The following ROBO2 variants were observed in gnomAD, a reference collection of about 807,000 sequenced individuals.
ROBO2 encodes the protein roundabout guidance receptor 2.
In ROBO2, 53 loss-of-function variants were observed where a neutral mutation model predicts 160.8. The observed-to-expected ratio is 0.33, with a 90% CI of 0.26 to 0.41. ROBO2 has a LOEUF of 0.41. ROBO2 is among the 10% of genes least tolerant of loss of function. The pLI is 1.00. For missense variants in ROBO2, 1,577 were observed against 1,722.4 expected, an observed-to-expected ratio of 0.92 and a Z score of 1.49; for synonymous variants, 664 against 611.7, an observed-to-expected ratio of 1.09 and a Z score of -1.26.
chr3:77,378,446 C>T (rs1487903842), intron 2 of ROBO2, among the ~76,000 whole-genome samples: 1 of 152,126 alleles, frequency 6.6e-6, no homozygotes, highest in Non-Finnish European at 1.5e-5. Flanking sequence ...GAATTAGAAG[C>T]AAATAAATAA....
chr3:76,821,232 A>G (rs1460775955), intron 2 of ROBO2, among the ~76,000 whole-genome samples: 3 of 152,012 alleles, frequency 2.0e-5, no homozygotes, highest in East Asian at 3.9e-4. Flanking sequence ...ATATATGCCT[A>G]GAATAAAACT....
intron 2 of ROBO2, among the ~76,000 whole-genome samples, chr3:76,780,874 T>C (rs1298523435): frequency 4.6e-5 from 7 of 150,800 alleles, no homozygotes; most frequent in Non-Finnish European, 1.0e-4. Flanking sequence ...GTTCTTTTTT[T>C]TCAAGAGTGC....
At chr3:76,759,122 T>C (rs1276647856) in intron 2 of ROBO2, among the ~76,000 whole-genome samples, 2 of 151,850 alleles carry the variant, frequency 1.3e-5, no homozygotes, top group African/African-American at 2.4e-5. Flanking sequence ...GAACGAAACT[T>C]AAATTAGAAG....
At chr3:76,280,872 A>G (rs1708194838) in intron 2 of ROBO2, among the ~76,000 whole-genome samples, 1 of 151,892 alleles carries the variant, frequency 6.6e-6, no homozygotes, top group Admixed American at 6.6e-5. Context: ...TCCCTGTATG[A>G]ATCTAGTGAA....
intron 2 of ROBO2, among the ~76,000 whole-genome samples, chr3:76,067,755 T>C (rs1203938495): frequency 6.6e-6 from 1 of 152,158 alleles, no homozygotes; most frequent in African/African-American, 2.4e-5. Context: ...TACCCTCTAG[T>C]GTATGTGATT....
chr3:76,969,500 A>G (rs2059466607), intron 2 of ROBO2, among the ~76,000 whole-genome samples: 1 of 152,172 alleles, frequency 6.6e-6, no homozygotes, highest in African/African-American at 2.4e-5. Flanking sequence ...AAGAGCCACA[A>G]AACCCAAGAA....
At chr3:76,913,895 G>A (rs947259364) in intron 2 of ROBO2, among the ~76,000 whole-genome samples, 1 of 151,668 alleles carries the variant, frequency 6.6e-6, no homozygotes, top group African/African-American at 2.4e-5. Flanking sequence ...TCCTTTAGAG[G>A]AGTAACTGTG....
At chr3:76,183,380 A>G (rs959554725) in intron 2 of ROBO2, among the ~76,000 whole-genome samples, 1 of 152,186 alleles carries the variant, frequency 6.6e-6, no homozygotes, top group Middle Eastern at 3.2e-3. Flanking sequence ...AATAGGAGTT[A>G]GACTCAACCT....
At chr3:77,263,618 G>GT (rs1417616348) in intron 2 of ROBO2, among the ~76,000 whole-genome samples, 3 of 152,180 alleles carry the variant, frequency 2.0e-5, no homozygotes, top group Non-Finnish European at 2.9e-5. Context: ...ATTCCATGGT[G>GT]TATATGCACC....
At chr3:77,412,969 C>A (rs1048824605) in intron 2 of ROBO2, among the ~76,000 whole-genome samples, 1 of 152,098 alleles carries the variant, frequency 6.6e-6, no homozygotes, top group East Asian at 1.9e-4. Flanking sequence ...GTAATCCCAG[C>A]GCTTTGGGAG....
At chr3:77,276,795 C>G (rs1378623719) in intron 2 of ROBO2, among the ~76,000 whole-genome samples, 1 of 152,122 alleles carries the variant, frequency 6.6e-6, no homozygotes, top group East Asian at 1.9e-4. Flanking sequence ...TTCCACATGG[C>G]TGGGGAGACC....
At chr3:76,873,051 A>G (rs2072289712) in intron 2 of ROBO2, among the ~76,000 whole-genome samples, 1 of 152,164 alleles carries the variant, frequency 6.6e-6, no homozygotes, top group Non-Finnish European at 1.5e-5. Context: ...AACAAATCTT[A>G]TATTTCTAAC....
chr3:75,948,302 A>C (rs1948397399), intron 2 of ROBO2, among the ~76,000 whole-genome samples: 1 of 152,078 alleles, frequency 6.6e-6, no homozygotes. Context: ...TTATTTTCAA[A>C]ATTGGAGACT....
rs955785909 is a variant in ROBO2 at position 77,294,298 on chromosome 3, A to G, written c.389-183116A>G. Among the ~76,000 whole-genome samples, 11 of 145,076 alleles carry G rather than the reference A, an allele frequency of 7.6e-5. 1 individual carries two copies. Among genetic ancestry groups the G allele is most frequent in the African/African-American group, 2.9e-4 (11 of 37,716 alleles). The stretch of plus-strand genomic sequence containing the variant: ...GGCTAGAGCACTAAAGACATAAAGT[A>G]AAATTGACGGTTAAACGGGTAAGCT... On this transcript the variant is annotated intron_variant, in intron 2 of 25. Coordinates refer to ENST00000461745, the Ensembl canonical transcript of ROBO2.
intron 2 of ROBO2, among the ~76,000 whole-genome samples, chr3:76,083,404 A>T (rs2068902019): frequency 6.6e-6 from 1 of 152,130 alleles, no homozygotes; most frequent in Admixed American, 6.6e-5. Context: ...CTGTTATTCC[A>T]AAGTTGCACT....
intron 2 of ROBO2, among the ~76,000 whole-genome samples, chr3:76,346,181 C>A (rs1393319121): frequency 6.6e-6 from 1 of 151,872 alleles, no homozygotes; most frequent in African/African-American, 2.4e-5. Flanking sequence ...ATTTAATAAT[C>A]TCTGAGGAAA....
chr3:76,707,853 G>A (rs894017412), intron 2 of ROBO2, among the ~76,000 whole-genome samples: 1 of 151,454 alleles, frequency 6.6e-6, no homozygotes, highest in African/African-American at 2.4e-5. Context: ...CAGCCAACTG[G>A]CTAAGGCTGT....
intron 4 of ROBO2, among the ~76,000 whole-genome samples, chr3:77,482,979 T>C (rs1054582932): frequency 2.0e-5 from 3 of 152,130 alleles, no homozygotes; most frequent in Non-Finnish European, 4.4e-5. Flanking sequence ...TTATGAAATA[T>C]TTACTCTACT....
At chr3:76,941,465 CT>C (rs1308748999) in intron 2 of ROBO2, among the ~76,000 whole-genome samples, 1 of 152,150 alleles carries the variant, frequency 6.6e-6, no homozygotes, top group East Asian at 1.9e-4. Context: ...GCCTTCCTCT[CT>C]AGGACAATAT....
Sources: gnomAD v4.1 joint callset for allele counts (sites outside exome capture counted in the v4.1 genomes callset) on GRCh38, gnomAD v4.1.1 for gene constraint, MANE v1.5 for transcripts, NCBI Gene and HGNC (gene_info 2026-07-23, HGNC 2026-07-21) for gene names.